Variants in NRG3 observed in about 807,000 individuals in gnomAD.
NRG3 encodes pro-neuregulin-3, membrane-bound isoform.
NRG3 carries 31 observed loss-of-function variants against 66.9 expected under a neutral mutation model. The observed-to-expected ratio is 0.46, with a 90% CI of 0.35 to 0.63. The LOEUF (loss-of-function observed/expected upper bound fraction) is 0.63. Ranked by LOEUF, NRG3 falls within the 20% of genes least tolerant of loss-of-function variation. The pLI is 0.00. For missense variants in NRG3, 910 were observed against 878.9 expected, an observed-to-expected ratio of 1.04 and a Z score of -0.45; for synonymous variants, 393 against 359.4, an observed-to-expected ratio of 1.09 and a Z score of -1.06.
At chr10:82,577,898 A>C (rs1370937239) in intron 2 of NRG3, among the ~76,000 whole-genome samples, 1 of 151,740 alleles carries the variant, frequency 6.6e-6, no homozygotes, top group Non-Finnish European at 1.5e-5. Flanking sequence ...TTTTATTACA[A>C]AATTTCTTTG....
At chr10:81,925,813 TGAA>T (rs1292835737) in intron 1 of NRG3, among the ~76,000 whole-genome samples, 1 of 152,070 alleles carries the variant, frequency 6.6e-6, no homozygotes, top group African/African-American at 2.4e-5. Context: ...TTATTGTTTT[TGAA>T]GAAAGGAACT....
intron 3 of NRG3, among the ~76,000 whole-genome samples, chr10:82,752,415 C>A (rs2058904540): frequency 6.6e-6 from 1 of 152,054 alleles, no homozygotes; most frequent in Admixed American, 6.6e-5. Context: ...AAAAAATCCC[C>A]TTATCTCTTT....
chr10:82,380,129 T>A (rs1002846684), intron 2 of NRG3, among the ~76,000 whole-genome samples: 1 of 152,090 alleles, frequency 6.6e-6, no homozygotes, highest in African/African-American at 2.4e-5. Context: ...AAAAAAGACA[T>A]GTTTTACTCA....
chr10:81,998,529 C>T (rs1481612470), intron 1 of NRG3, among the ~76,000 whole-genome samples: 1 of 152,026 alleles, frequency 6.6e-6, no homozygotes, highest in Non-Finnish European at 1.5e-5. Context: ...GCCGCAGAGT[C>T]GATGTTGATA....
chr10:82,199,359 C>T lies in NRG3; in HGVS notation c.824-159380C>T, dbSNP rs148432088. Among the ~76,000 whole-genome samples, 244 of 152,062 alleles carry T rather than the reference C, an allele frequency of 1.6e-3. 3 individuals carry two copies. The highest frequency in any genetic ancestry group is 5.4e-3 in the African/African-American group (223 of 41,498). The stretch of plus-strand genomic sequence containing the variant: ...GTAGTGCAACCTGGAAGCTTCTCTC[C>T]CTGCACTCTAATTCTGATATGTTGG... On this transcript the variant is annotated intron_variant, in intron 1 of 8. Transcript: ENST00000372141.
At chr10:82,527,002 G>C (rs1357203102) in intron 2 of NRG3, among the ~76,000 whole-genome samples, 1 of 151,946 alleles carries the variant, frequency 6.6e-6, no homozygotes, top group Middle Eastern at 3.2e-3. Flanking sequence ...ATACTCCTTT[G>C]AACCAGCAAT....
Position 82,221,578 on chromosome 10 carries a change from GA to G in NRG3, c.824-137154del, listed in dbSNP as rs889697883. 7.9e-5 allele frequency among the ~76,000 whole-genome samples: 12 copies of G among 151,818 alleles called. 1 individual carries two copies. Among genetic ancestry groups the G allele is most frequent in the African/African-American group, 1.5e-4 (6 of 41,322 alleles). ...ATTCCACATAATGCTCATCAAAGCA[GA>G]AAAAAATCAAACCTAATGCACAACA... On this transcript the variant is annotated intron_variant, in intron 1 of 8. Transcript: ENST00000372141.
chr10:82,553,034 AAC>A (rs142641494), intron 2 of NRG3, among the ~76,000 whole-genome samples: 5,993 of 145,848 alleles, frequency 0.041, 223 homozygotes, highest in East Asian at 0.16. Flanking sequence ...ATCACACACA[AAC>A]ACACACACAC....
At chr10:82,376,558 A>T (rs2085250085) in intron 2 of NRG3, among the ~76,000 whole-genome samples, 1 of 152,178 alleles carries the variant, frequency 6.6e-6, no homozygotes, top group African/African-American at 2.4e-5. Context: ...GGTCCTTTAC[A>T]CACTCACAGA....
At chr10:82,571,656 G>GCATT (rs1261990929) in intron 2 of NRG3, among the ~76,000 whole-genome samples, 1 of 151,618 alleles carries the variant, frequency 6.6e-6, no homozygotes, top group East Asian at 1.9e-4. Flanking sequence ...AGCTACCTAT[G>GCATT]CATTAATAGG....
intron 1 of NRG3, among the ~76,000 whole-genome samples, chr10:81,904,800 G>A (rs1463539227): frequency 6.6e-6 from 1 of 152,094 alleles, no homozygotes; most frequent in East Asian, 1.9e-4. Flanking sequence ...AAAGAACTGT[G>A]ATCATTGGCA....
At chr10:82,654,041 C>A (rs1397027884) in intron 2 of NRG3, among the ~76,000 whole-genome samples, 1 of 152,082 alleles carries the variant, frequency 6.6e-6, no homozygotes, top group Non-Finnish European at 1.5e-5. Context: ...TAGACAAGAG[C>A]ACTACATTAT....
At chr10:82,132,542 T>TATATCATATATATATC in intron 1 of NRG3, among the ~76,000 whole-genome samples, 1 of 130,948 alleles carries the variant, frequency 7.6e-6, no homozygotes, top group Non-Finnish European at 1.6e-5. Flanking sequence ...ATATGATATA[T>TATATCATATATATATC]ATATATCTTT....
intron 1 of NRG3, among the ~76,000 whole-genome samples, chr10:81,904,969 A>G (rs1844446098): frequency 6.6e-6 from 1 of 152,216 alleles, no homozygotes; most frequent in Non-Finnish European, 1.5e-5. Context: ...TTCTCTTACC[A>G]AAGTATCTCT....
chr10:82,267,096 G>A (rs1589527015), intron 1 of NRG3, among the ~76,000 whole-genome samples: 2 of 152,276 alleles, frequency 1.3e-5, no homozygotes, highest in South Asian at 2.1e-4. Context: ...ATATAGAGCC[G>A]TGGTTAAGAG....
At chr10:82,059,234 G>A (rs1196813587) in intron 1 of NRG3, among the ~76,000 whole-genome samples, 1 of 152,188 alleles carries the variant, frequency 6.6e-6, no homozygotes, top group Admixed American at 6.5e-5. Flanking sequence ...CATCTAGGCT[G>A]TAGCACTTTT....
chr10:82,579,773 A>G (rs1014616854), intron 2 of NRG3, among the ~76,000 whole-genome samples: 23 of 151,976 alleles, frequency 1.5e-4, no homozygotes, highest in African/African-American at 5.3e-4. Context: ...TTCTGAAGTC[A>G]TGCAGAATCT....
intron 4 of NRG3, among the ~76,000 whole-genome samples, chr10:82,928,641 A>T (rs140446459): frequency 0.011 from 1,604 of 150,682 alleles, 17 homozygotes; most frequent in African/African-American, 0.031. Context: ...TAAATCTCAA[A>T]CTTGTTCAAA....
intron 1 of NRG3, among the ~76,000 whole-genome samples, chr10:82,137,597 G>C (rs2069464233): frequency 6.6e-6 from 1 of 152,132 alleles, no homozygotes; most frequent in South Asian, 2.1e-4. Context: ...TCAGATTATT[G>C]ATCCATAGAA....
Sources: allele counts gnomAD v4.1 joint callset (sites outside exome capture counted in the v4.1 genomes callset), GRCh38; gene constraint gnomAD v4.1.1; transcripts MANE v1.5; gene names NCBI Gene and HGNC (gene_info 2026-07-23, HGNC 2026-07-21).